RNF220: variants seen among roughly 807,000 people sequenced by gnomAD.
RNF220 encodes ring finger protein 220.
RNF220 carries 7 observed loss-of-function variants against 67.1 expected under a neutral mutation model. The observed-to-expected ratio is 0.10, with a 90% CI of 0.06 to 0.20. The LOEUF is 0.20. Ranked by LOEUF, RNF220 falls within the 10% of genes least tolerant of loss-of-function variation. RNF220 has a pLI of 1.00. For missense variants in RNF220, 565 were observed against 740.3 expected (o/e 0.76, Z 2.75); for synonymous variants, 270 against 283.2 (o/e 0.95, Z 0.47).
Position 44,650,506 on chromosome 1 carries a change from G to A in RNF220, c.1630-198G>A, listed in dbSNP as rs980202393. 7.5e-5 allele frequency: 45 copies of A among 603,262 alleles called. No individual in the cohort carries two copies. The highest frequency in any genetic ancestry group is 6.8e-4 in the African/African-American group (37 of 54,172). The allele number at this position is 603,262 out of a possible 1,614,324, so 37.4% of individuals were successfully genotyped here. On this transcript the variant is annotated intron_variant, in intron 14 of 14. Transcript: ENST00000361799. This position sits in a 1 kb window ranked among gnomAD's most constrained non-coding sequence, Gnocchi z 4.3. Reference sequence around the variant, plus strand: ...GCTCCTGCTGCGGGGCTGGCCAGGCGGTTTGATCCTGGCGTCCCCCCAACA... The same window carrying A: ...GCTCCTGCTGCGGGGCTGGCCAGGCAGTTTGATCCTGGCGTCCCCCCAACA...
At chr1:44,528,387 G>A (rs560798190) in intron 2 of RNF220, among the ~76,000 whole-genome samples, 10 of 151,330 alleles carry the variant, frequency 6.6e-5, no homozygotes, top group East Asian at 3.9e-4. Context: ...TGCAAGCTCC[G>A]TCTCCCAGGT....
chr1:44,474,430 G>A (rs1655111131), intron 2 of RNF220, among the ~76,000 whole-genome samples: 1 of 149,054 alleles, frequency 6.7e-6, no homozygotes, highest in African/African-American at 2.5e-5. Flanking sequence ...TAATAGGCTG[G>A]GAGTGGTATG....
chr1:44,475,896 C>T (rs1302684450), intron 2 of RNF220, among the ~76,000 whole-genome samples: 2 of 150,782 alleles, frequency 1.3e-5, no homozygotes, highest in Admixed American at 1.3e-4. Context: ...CCTGTAGTCC[C>T]AGCTACTCAG....
intron 2 of RNF220, among the ~76,000 whole-genome samples, chr1:44,580,116 G>C (rs1437875648): frequency 1.3e-5 from 2 of 148,646 alleles, no homozygotes; most frequent in Non-Finnish European, 3.0e-5. Context: ...AGAAGAAATT[G>C]TTCCATGGAG....
chr1:44,416,966 G>C (rs1284477114), intron 2 of RNF220, among the ~76,000 whole-genome samples: 1 of 152,148 alleles, frequency 6.6e-6, no homozygotes, highest in African/African-American at 2.4e-5. Context: ...AGCCCACCTA[G>C]GCCAAAGGCA....
chr1:44,625,053 GAGAGAA>G (rs538729368), intron 4 of RNF220, among the ~76,000 whole-genome samples: 3 of 118,784 alleles, frequency 2.5e-5, no homozygotes, highest in Non-Finnish European at 5.4e-5. Context: ...GAGAGAGAGA[GAGAGAA>G]AGCGCACAAA....
chr1:44,465,439 ATT>A (rs11325368), intron 2 of RNF220, among the ~76,000 whole-genome samples: 28,398 of 144,300 alleles, frequency 0.2, 3,018 homozygotes, highest in South Asian at 0.29. Flanking sequence ...TCCATGTGCC[ATT>A]TTTTTTTTTT....
At chr1:44,491,932 G>A (rs568580970) in intron 2 of RNF220, among the ~76,000 whole-genome samples, 1 of 152,246 alleles carries the variant, frequency 6.6e-6, no homozygotes, top group South Asian at 2.1e-4. Context: ...CCAAAGTGCT[G>A]GAATTACAGG....
chr1:44,462,211 G>A (rs934412399), intron 2 of RNF220, among the ~76,000 whole-genome samples: 4 of 152,004 alleles, frequency 2.6e-5, no homozygotes, highest in Admixed American at 6.6e-5. Flanking sequence ...GGGATTACAG[G>A]TGTGAGCCAC....
At chr1:44,498,158 T>C (rs541768576) in intron 2 of RNF220, among the ~76,000 whole-genome samples, 75 of 152,308 alleles carry the variant, frequency 4.9e-4, no homozygotes, top group African/African-American at 1.7e-3. Flanking sequence ...TCCCTATTTC[T>C]TTCATTTATA....
intron 2 of RNF220, among the ~76,000 whole-genome samples, chr1:44,545,709 C>T (rs1353280870): frequency 2.0e-5 from 3 of 151,722 alleles, no homozygotes; most frequent in Non-Finnish European, 4.4e-5. Context: ...GGTGAGACCT[C>T]TGAGCCTCCC....
intron 2 of RNF220, among the ~76,000 whole-genome samples, chr1:44,525,746 A>T (rs1184643193): frequency 6.6e-6 from 1 of 152,052 alleles, no homozygotes; most frequent in Non-Finnish European, 1.5e-5. Context: ...ACCCACATGG[A>T]CTGTCCACAT....
intron 2 of RNF220, among the ~76,000 whole-genome samples, chr1:44,464,895 G>A (rs1460339505): frequency 1.3e-5 from 2 of 152,066 alleles, no homozygotes; most frequent in Non-Finnish European, 2.9e-5. Flanking sequence ...GCTATTATCC[G>A]TATCTCATCA....
intron 2 of RNF220, among the ~76,000 whole-genome samples, chr1:44,451,880 A>G (rs111574939): frequency 0.03 from 4,504 of 152,230 alleles, 233 homozygotes; most frequent in African/African-American, 0.1. Flanking sequence ...GGGCCTCCCA[A>G]AGTGCTGGGA....
At chr1:44,502,914 C>T (rs745531805) in intron 2 of RNF220, among the ~76,000 whole-genome samples, 1 of 152,060 alleles carries the variant, frequency 6.6e-6, no homozygotes, top group Non-Finnish European at 1.5e-5. Flanking sequence ...TATAGAAGCA[C>T]GTTGTCATGC....
At chr1:44,440,171 T>A (rs1375240189) in intron 2 of RNF220, among the ~76,000 whole-genome samples, 1 of 152,222 alleles carries the variant, frequency 6.6e-6, no homozygotes, top group Admixed American at 6.5e-5. Flanking sequence ...TAAAATTAAA[T>A]TTTTATTTCA....
Position 44,412,918 on chromosome 1 carries a change from A to G in RNF220, c.625+196A>G, listed in dbSNP as rs1047700197. Among the ~76,000 whole-genome samples the G allele has an allele frequency of 6.6e-6, 1 of 152,146 alleles. No individual in the cohort carries two copies. The highest frequency in any genetic ancestry group is 6.5e-5 in the Admixed American group (1 of 15,274). ...ATAGTTCTTGAAATATTTTTCTGAA[A>G]GTAGCCAGAGGCAAGTTGGCCCCAG... On this transcript the variant is annotated intron_variant, in intron 2 of 14. Coordinates refer to ENST00000361799, the MANE Select transcript of RNF220 (RefSeq NM_018150.4). The surrounding 1 kb of genome is among the most constrained non-coding windows in gnomAD (Gnocchi z 5.3).
At chr1:44,502,012 G>A (rs147387920) in intron 2 of RNF220, among the ~76,000 whole-genome samples, 23 of 147,328 alleles carry the variant, frequency 1.6e-4, no homozygotes, top group African/African-American at 5.7e-4. Context: ...AAGTTGGGGA[G>A]TGGGCACCTG....
At chr1:44,408,215 A>G (rs1185313539) in intron 1 of RNF220, among the ~76,000 whole-genome samples, 1 of 152,044 alleles carries the variant, frequency 6.6e-6, no homozygotes, top group Non-Finnish European at 1.5e-5. Flanking sequence ...CGAGCTGAAT[A>G]ATGCACCCGC....
Sources: allele counts gnomAD v4.1 joint callset (sites outside exome capture counted in the v4.1 genomes callset), GRCh38; gene constraint gnomAD v4.1.1; non-coding constraint Gnocchi (gnomAD v3.1); transcripts MANE v1.5; gene names NCBI Gene and HGNC (gene_info 2026-07-23, HGNC 2026-07-21).